The following PDE10A variants were observed in gnomAD, a reference collection of about 807,000 sequenced individuals.
PDE10A encodes the protein phosphodiesterase 10A, also known as cAMP and cAMP-inhibited cGMP 3',5'-cyclic phosphodiesterase 10A.
In PDE10A, 39 loss-of-function variants were observed where a neutral mutation model predicts 97.7. That is an observed-to-expected ratio of 0.40 (90% CI 0.31 to 0.52). The LOEUF (loss-of-function observed/expected upper bound fraction) is 0.52. PDE10A is among the 20% of genes least tolerant of loss of function. The pLI is 0.56. For missense variants in PDE10A, 731 were observed against 1,047.8 expected (o/e 0.70, Z 4.17); for synonymous variants, 371 against 376.8 (o/e 0.98, Z 0.18).
At chr6:165,848,124 A>T (rs781065410) in intron 1 of PDE10A, among the ~76,000 whole-genome samples, 2 of 152,176 alleles carry the variant, frequency 1.3e-5, no homozygotes, top group Non-Finnish European at 1.5e-5. Flanking sequence ...TTTGGGAAAT[A>T]AAATAAACAC....
At chr6:165,421,208 G>A (rs535225616) in intron 10 of PDE10A, among the ~76,000 whole-genome samples, 1 of 152,298 alleles carries the variant, frequency 6.6e-6, no homozygotes, top group East Asian at 1.9e-4. Context: ...TTGGGAGACT[G>A]AGATGGGCAG....
chr6:165,341,988 G>A (rs1444236175), intron 19 of PDE10A, among the ~76,000 whole-genome samples: 2 of 152,130 alleles, frequency 1.3e-5, no homozygotes, highest in South Asian at 2.1e-4. Context: ...CAGTACTGCC[G>A]TATGTACTAT....
chr6:165,590,644 C>A (rs1031356855), intron 1 of PDE10A, among the ~76,000 whole-genome samples: 1 of 152,166 alleles, frequency 6.6e-6, no homozygotes, highest in African/African-American at 2.4e-5. Flanking sequence ...GTAATCTCAG[C>A]CGTTTGCGAG....
chr6:165,886,137 T>A (rs1025368487), intron 1 of PDE10A, among the ~76,000 whole-genome samples: 1 of 152,226 alleles, frequency 6.6e-6, no homozygotes, highest in Non-Finnish European at 1.5e-5. Context: ...TTTTCAGAAA[T>A]CCTATTATGG....
intron 1 of PDE10A, among the ~76,000 whole-genome samples, chr6:165,787,300 G>T (rs1778522887): frequency 6.6e-6 from 1 of 152,112 alleles, no homozygotes; most frequent in South Asian, 2.1e-4. Context: ...TGCTTTACAA[G>T]AAATGAAATG....
chr6:165,608,218 C>T (rs1787317312), intron 1 of PDE10A, among the ~76,000 whole-genome samples: 1 of 149,060 alleles, frequency 6.7e-6, no homozygotes, highest in Non-Finnish European at 1.5e-5. Context: ...CCCATTAACT[C>T]GTCATTTACA....
At chr6:165,438,944 T>A (rs1790238020) in intron 5 of PDE10A, among the ~76,000 whole-genome samples, 1 of 137,322 alleles carries the variant, frequency 7.3e-6, no homozygotes, top group African/African-American at 2.7e-5. Flanking sequence ...GGTGACAGAG[T>A]GAGACCCTGC....
chr6:165,414,367 A>G (rs1021347916), intron 12 of PDE10A, among the ~76,000 whole-genome samples: 2 of 152,214 alleles, frequency 1.3e-5, no homozygotes, highest in African/African-American at 4.8e-5. Context: ...TTTGGAAAAC[A>G]GGACTAAGGT....
intron 1 of PDE10A, among the ~76,000 whole-genome samples, chr6:165,710,894 C>CTAAT (rs1166890153): frequency 6.6e-6 from 1 of 152,244 alleles, no homozygotes; most frequent in Admixed American, 6.5e-5. Flanking sequence ...CATGTCTTTC[C>CTAAT]TAATCATAGG....
chr6:165,408,660 A>G (rs1168598240), intron 13 of PDE10A, among the ~76,000 whole-genome samples: 2 of 152,106 alleles, frequency 1.3e-5, no homozygotes, highest in East Asian at 3.9e-4. Context: ...TATCATTGTA[A>G]AGAAGACATG....
intron 1 of PDE10A, among the ~76,000 whole-genome samples, chr6:165,848,225 C>T (rs933294257): frequency 4.6e-5 from 7 of 152,124 alleles, no homozygotes; most frequent in Admixed American, 2.0e-4. Context: ...CCCTATGTGG[C>T]GGGAATTGTT....
chr6:165,978,790 T>C (rs2128503287), intron 1 of PDE10A, among the ~76,000 whole-genome samples: 1 of 152,314 alleles, frequency 6.6e-6, no homozygotes, highest in East Asian at 1.9e-4. Flanking sequence ...TAAGCATTCT[T>C]AGAATAGGTG....
rs115244254 is a variant in PDE10A at position 165,602,492 on chromosome 6, G to A, written c.866-58924C>T. Among the ~76,000 whole-genome samples the A allele has an allele frequency of 2.8e-3, 421 of 152,256 alleles. 3 individuals are homozygous for A. The highest frequency in any genetic ancestry group is 9.8e-3 in the African/African-American group (409 of 41,546). On this transcript the variant is annotated intron_variant, in intron 1 of 21. Coordinates refer to ENST00000539869, the MANE Select transcript of PDE10A (RefSeq NM_001385079.1). ...GAAACTGAGCGGGAACAACATTTCT[G>A]GGCAGGAGAATAGGCAGATATACCA...
chr6:165,458,995 C>T (rs755171464), intron 3 of PDE10A, among the ~76,000 whole-genome samples: 7 of 67,612 alleles, frequency 1.0e-4, no homozygotes, highest in Non-Finnish European at 1.5e-4. Flanking sequence ...CATCTTTCAA[C>T]GTACAACAGT....
rs561533472 is a variant in PDE10A, at chr6:165,800,860, G to A, written c.-615+186669C>T. Among the ~76,000 whole-genome samples the A allele has an allele frequency of 9.8e-5, 15 of 152,300 alleles. No homozygotes were observed. In the East Asian group the frequency reaches 2.3e-3, roughly 24 times the overall value. ...GGCAGCGTCCAGCCAGAGAGGGCAC[G>A]GAGGAGACACTATTGCTCTTACGGT... On this transcript the variant is annotated intron_variant, in intron 1 of 19. Coordinates refer to the PDE10A transcript ENST00000366882.
chr6:165,668,128 T>A (rs960859271), upstream of PDE10A, among the ~76,000 whole-genome samples: 11 of 152,234 alleles, frequency 7.2e-5, no homozygotes, highest in Non-Finnish European at 1.3e-4. Context: ...CAGTGTGAGA[T>A]AATTATATTT....
At chr6:165,903,783 A>G (rs1782183361) in intron 1 of PDE10A, among the ~76,000 whole-genome samples, 1 of 152,180 alleles carries the variant, frequency 6.6e-6, no homozygotes, top group African/African-American at 2.4e-5. Context: ...AGCAACAGAG[A>G]AATAGAGAAC....
intron 1 of PDE10A, among the ~76,000 whole-genome samples, chr6:165,874,972 C>T (rs1781295397): frequency 1.3e-5 from 2 of 152,092 alleles, no homozygotes; most frequent in Middle Eastern, 3.2e-3. Context: ...GGAACTAGTA[C>T]TCAGTTTCCT....
intron 1 of PDE10A, among the ~76,000 whole-genome samples, chr6:165,981,320 C>T (rs1053960847): frequency 1.3e-5 from 2 of 151,580 alleles, no homozygotes. Context: ...TGAATAATTA[C>T]CCCTCATTTG....
Sources: gnomAD v4.1 joint callset for allele counts (sites outside exome capture counted in the v4.1 genomes callset) on GRCh38, gnomAD v4.1.1 for gene constraint, MANE v1.5 for transcripts, NCBI Gene and HGNC (gene_info 2026-07-23, HGNC 2026-07-21) for gene names.